TMEM132D: variants seen among roughly 807,000 people sequenced by gnomAD.
TMEM132D encodes transmembrane protein 132D.
TMEM132D carries 21 observed loss-of-function variants against 62.3 expected under a neutral mutation model. The ratio of observed to expected loss-of-function variants is 0.34; its 90% CI spans 0.24 to 0.49. TMEM132D has a LOEUF of 0.49. Among genes scored for constraint, TMEM132D ranks in the 20% least tolerant of loss-of-function variants. The pLI is 0.99. For synonymous variants in TMEM132D, 621 were observed against 575.6 expected, an observed-to-expected ratio of 1.08 and a Z score of -1.13; for missense variants, 1,346 against 1,402.8, an observed-to-expected ratio of 0.96 and a Z score of 0.65.
At chr12:129,634,473 CAA>C (rs71451324) in intron 2 of TMEM132D, among the ~76,000 whole-genome samples, 19 of 129,480 alleles carry the variant, frequency 1.5e-4, no homozygotes, top group South Asian at 2.6e-4. Context: ...AACCTTGTCT[CAA>C]AAAAAAAAAA....
intron 1 of TMEM132D, among the ~76,000 whole-genome samples, chr12:129,822,330 A>G (rs543363339): frequency 2.0e-5 from 3 of 152,238 alleles, no homozygotes; most frequent in Non-Finnish European, 4.4e-5. Context: ...TGGTTGCACA[A>G]ACAGCTGGGA....
At chr12:129,294,547 C>T (rs1215638263) in intron 4 of TMEM132D, among the ~76,000 whole-genome samples, 7 of 152,162 alleles carry the variant, frequency 4.6e-5, no homozygotes, top group African/African-American at 1.7e-4. Context: ...GGGCTACCTT[C>T]AGTCTTCCTG....
At chr12:129,272,521 T>C (rs572691734) in intron 4 of TMEM132D, among the ~76,000 whole-genome samples, 1 of 152,032 alleles carries the variant, frequency 6.6e-6, no homozygotes, top group South Asian at 2.1e-4. Context: ...GGGTATTTCT[T>C]TATTTTGTGA....
chr12:129,534,988 T>TA (rs1452619255), intron 2 of TMEM132D, among the ~76,000 whole-genome samples: 2 of 152,178 alleles, frequency 1.3e-5, no homozygotes, highest in Non-Finnish European at 2.9e-5. Context: ...TCCAATTATA[T>TA]AACAAGGGGA....
chr12:129,493,174 T>C (rs1874852824), intron 3 of TMEM132D, among the ~76,000 whole-genome samples: 1 of 152,212 alleles, frequency 6.6e-6, no homozygotes, highest in African/African-American at 2.4e-5. Flanking sequence ...AATCTTAAGA[T>C]TCTGTAACTA....
chr12:129,601,979 T>C (rs1268774489), intron 2 of TMEM132D, among the ~76,000 whole-genome samples: 1 of 152,124 alleles, frequency 6.6e-6, no homozygotes, highest in African/African-American at 2.4e-5. Flanking sequence ...CAAATCATAA[T>C]AAAGCAAAAC....
rs2135602007 is a variant in TMEM132D at position 129,074,150 on chromosome 12, G to C, written c.3025C>G (p.Gln1009Glu). ...AACAGCTGCCCATTGATGCTTTTTTGGGAGTTTGTGCTGAGGAGATATTTA... is the reference window on the plus strand; with the variant it reads ...AACAGCTGCCCATTGATGCTTTTTTCGGAGTTTGTGCTGAGGAGATATTTA... ...ESKYLLSTNSQKSINGQLFKP... is the reference protein window; with the variant it reads ...ESKYLLSTNSEKSINGQLFKP... Residue 1009 changes from glutamine (Q) to glutamate (E), a missense_variant, in exon 9 of 9, where the codon CAA (glutamine) becomes GAA (glutamate). Physicochemically the swap from Gln to Glu is conservative, Grantham distance 29. Transcript: ENST00000422113. The C allele has an allele frequency of 6.2e-7, 1 of 1,613,974 alleles. No individual in the cohort carries two copies. The highest frequency in any genetic ancestry group is 8.5e-7 in the Non-Finnish European group (1 of 1,179,984).
chr12:129,205,344 GA>G (rs1281420375), intron 5 of TMEM132D, among the ~76,000 whole-genome samples: 10 of 63,492 alleles, frequency 1.6e-4, no homozygotes, highest in African/African-American at 4.3e-4. Flanking sequence ...ATGGAAAACA[GA>G]AAAAAAGCAA....
rs144192358 is a variant in TMEM132D, at chr12:129,473,067, G to A, written c.1115+57992C>T. Among the ~76,000 whole-genome samples the A allele has an allele frequency of 7.9e-3, 1,206 of 152,100 alleles. 18 individuals carry two copies. The highest frequency in any genetic ancestry group is 0.028 in the African/African-American group (1,148 of 41,506). On this transcript the variant is annotated intron_variant, in intron 3 of 8. Transcript: ENST00000422113. ...TTTAGTAGAGAAGGGGTTTCACCAT[G>A]TTGGTCAGGCTGGTCTCGAACTCCT...
chr12:129,473,330 T>G lies in TMEM132D; in HGVS notation c.1115+57729A>C, dbSNP rs1352804440. Among the ~76,000 whole-genome samples the G allele has an allele frequency of 8.4e-5, 11 of 130,446 alleles. No homozygotes were observed. The East Asian group carries it at 2.1e-3, about 25-fold the overall frequency. 85.6% of individuals were successfully genotyped at this position (130,446 alleles called of 152,430 possible). A position where few individuals can be genotyped will look rare whatever the true frequency, so the allele number is the denominator to read the frequency against. On this transcript the variant is annotated intron_variant, in intron 3 of 8. Coordinates refer to ENST00000422113, the MANE Select transcript of TMEM132D (RefSeq NM_133448.3). Reference sequence around the variant, plus strand: ...TAAAGTGATTTTAGTTTTTGTTTTTTTTTTTTTTTTTTTTTTGAGACCAAG... The same window carrying G: ...TAAAGTGATTTTAGTTTTTGTTTTTGTTTTTTTTTTTTTTTTGAGACCAAG...
At chr12:129,523,524 T>C (rs1022408105) in intron 3 of TMEM132D, among the ~76,000 whole-genome samples, 9 of 152,194 alleles carry the variant, frequency 5.9e-5, no homozygotes, top group Admixed American at 3.9e-4. Context: ...GGAGATCCTA[T>C]CAAAAAGCCA....
chr12:129,281,353 A>C (rs564295996), intron 4 of TMEM132D, among the ~76,000 whole-genome samples: 1 of 151,898 alleles, frequency 6.6e-6, no homozygotes, highest in East Asian at 1.9e-4. Context: ...CAACTGTGGC[A>C]CTTCTATGTT....
intron 2 of TMEM132D, among the ~76,000 whole-genome samples, chr12:129,611,276 T>C (rs144889115): frequency 5.3e-4 from 81 of 152,342 alleles, no homozygotes; most frequent in Non-Finnish European, 9.8e-4. Context: ...GACCTAACTT[T>C]CTTTAGCGAG....
At chr12:129,502,287 C>T (rs1370682434) in intron 3 of TMEM132D, among the ~76,000 whole-genome samples, 2 of 152,318 alleles carry the variant, frequency 1.3e-5, no homozygotes, top group Admixed American at 6.5e-5. Context: ...GCGTGAGCCA[C>T]GGCGCCCGGC....
At chr12:129,224,672 C>T (rs1223269194) in intron 4 of TMEM132D, among the ~76,000 whole-genome samples, 5 of 152,046 alleles carry the variant, frequency 3.3e-5, no homozygotes, top group African/African-American at 9.7e-5. Context: ...CTTTGGACGT[C>T]GAGGCAGCAG....
At chr12:129,843,868 TG>T (rs1278836069) in intron 1 of TMEM132D, among the ~76,000 whole-genome samples, 4 of 151,922 alleles carry the variant, frequency 2.6e-5, no homozygotes, top group African/African-American at 9.7e-5. Context: ...GTGGGGGGAT[TG>T]CTTGAGCCCA....
At chr12:129,179,427 G>A (rs962704519) in intron 5 of TMEM132D, among the ~76,000 whole-genome samples, 20 of 152,182 alleles carry the variant, frequency 1.3e-4, no homozygotes, top group African/African-American at 4.6e-4. Context: ...AAGAGACAGG[G>A]GATCCCTGGT....
At chr12:129,811,501 A>G (rs1872179756) in intron 1 of TMEM132D, among the ~76,000 whole-genome samples, 1 of 151,614 alleles carries the variant, frequency 6.6e-6, no homozygotes, top group Admixed American at 6.6e-5. Flanking sequence ...CCTTCACCCC[A>G]TCTTTATCAT....
At chr12:129,711,684 G>A (rs1303862818) in intron 1 of TMEM132D, among the ~76,000 whole-genome samples, 7 of 140,956 alleles carry the variant, frequency 5.0e-5, no homozygotes, top group South Asian at 2.2e-4. Context: ...CCGAGATCGC[G>A]CCATTGCACT....
Sources: allele counts gnomAD v4.1 joint callset (sites outside exome capture counted in the v4.1 genomes callset), GRCh38; gene constraint gnomAD v4.1.1; transcripts MANE v1.5; gene names NCBI Gene and HGNC (gene_info 2026-07-23, HGNC 2026-07-21).